DNAJC1: variants seen among roughly 807,000 people sequenced by gnomAD.
DNAJC1 encodes DnaJ heat shock protein family (Hsp40) member C1, also known as dnaJ homolog subfamily C member 1.
DNAJC1 carries 58 observed loss-of-function variants against 76.6 expected under a neutral mutation model. That is an observed-to-expected ratio of 0.76 (90% CI 0.61 to 0.94). DNAJC1 has a LOEUF of 0.94. Ranked by LOEUF, DNAJC1 falls within the 40% of genes least tolerant of loss-of-function variation. The pLI is 0.00. For synonymous variants in DNAJC1, 258 were observed against 267.9 expected (o/e 0.96, Z 0.36); for missense variants, 689 against 677.3 (o/e 1.02, Z -0.19).
chr10:21,901,739 A>T (rs1209524006), intron 7 of DNAJC1, among the ~76,000 whole-genome samples: 2 of 152,216 alleles, frequency 1.3e-5, no homozygotes. Flanking sequence ...ATTAGCAATT[A>T]GGTCATGAAA....
intron 1 of DNAJC1, among the ~76,000 whole-genome samples, chr10:21,989,625 G>C (rs575484588): frequency 1.9e-4 from 29 of 152,298 alleles, no homozygotes; most frequent in African/African-American, 6.3e-4. Flanking sequence ...AAATGCGAAA[G>C]TGAGAAGGAC....
At chr10:21,760,207 C>T (rs958569862) in intron 10 of DNAJC1, among the ~76,000 whole-genome samples, 1 of 152,140 alleles carries the variant, frequency 6.6e-6, no homozygotes, top group Non-Finnish European at 1.5e-5. Context: ...TGCTTGAGCC[C>T]AGGAGTTTGA....
chr10:21,816,339 G>A (rs948970662), intron 8 of DNAJC1, among the ~76,000 whole-genome samples: 6 of 151,926 alleles, frequency 3.9e-5, no homozygotes, highest in African/African-American at 7.2e-5. Flanking sequence ...CAGCCTGGCC[G>A]ACAGAGCAAG....
At chr10:21,908,977 C>T (rs1370372837) in intron 6 of DNAJC1, among the ~76,000 whole-genome samples, 2 of 152,078 alleles carry the variant, frequency 1.3e-5, no homozygotes, top group African/African-American at 4.8e-5. Flanking sequence ...CCTCCGCCTC[C>T]CGGGTTTAAG....
At chr10:21,899,106 C>A (rs1242610395) in intron 7 of DNAJC1, among the ~76,000 whole-genome samples, 1 of 152,184 alleles carries the variant, frequency 6.6e-6, no homozygotes, top group Admixed American at 6.5e-5. Context: ...TGGGAAACCA[C>A]ACTTCTCTCA....
intron 6 of DNAJC1, among the ~76,000 whole-genome samples, chr10:21,917,062 C>CA (rs1309418149): frequency 6.6e-6 from 1 of 151,970 alleles, no homozygotes; most frequent in African/African-American, 2.4e-5. Context: ...CCTAGCATCT[C>CA]AAAACCGAAA....
chr10:21,950,566 T>A (rs569265603), intron 1 of DNAJC1, among the ~76,000 whole-genome samples: 1 of 152,140 alleles, frequency 6.6e-6, no homozygotes, highest in East Asian at 1.9e-4. Flanking sequence ...ATCTCACACT[T>A]TAAGTCAAAA....
At chr10:21,770,115 A>G (rs1354382230) in intron 9 of DNAJC1, among the ~76,000 whole-genome samples, 1 of 152,088 alleles carries the variant, frequency 6.6e-6, no homozygotes, top group Non-Finnish European at 1.5e-5. Context: ...TCCTTCCCCA[A>G]CGAGTTGCTT....
chr10:21,781,044 A>T (rs1023575455), intron 9 of DNAJC1, among the ~76,000 whole-genome samples: 3 of 152,242 alleles, frequency 2.0e-5, no homozygotes, highest in Non-Finnish European at 2.9e-5. Context: ...AGAAGAGCTA[A>T]CTATCCTAAA....
chr10:21,805,953 A>G (rs1185270808), intron 9 of DNAJC1, 27 bp downstream of exon 9: 1 of 1,610,834 alleles, frequency 6.2e-7, no homozygotes, highest in Non-Finnish European at 8.5e-7. Flanking sequence ...TTCTCTCTCT[A>G]TACAATGCAA....
In DNAJC1 at chr10:21,890,179, G is replaced by A. The variant is rs373387917; in HGVS notation, c.821-7740C>T. ...GTAATCTCAGCACTTTGGGAGGCTG[G>A]GGGGGGGTGGATGACCTGAGGTCAG... is the stretch of plus-strand genomic sequence containing the variant. On this transcript the variant is annotated intron_variant, in intron 7 of 11. Transcript: ENST00000376980. 4.9e-3 allele frequency among the ~76,000 whole-genome samples: 48 copies of A among 9,710 alleles called. 1 individual carries two copies. In the East Asian group the frequency reaches 0.29, roughly 58 times the overall value. The allele number at this position is 9,710 out of a possible 152,430, so 6.4% of individuals were successfully genotyped here.
chr10:21,772,117 A>G (rs549270097), intron 9 of DNAJC1, among the ~76,000 whole-genome samples: 1 of 152,160 alleles, frequency 6.6e-6, no homozygotes, highest in East Asian at 1.9e-4. Flanking sequence ...AATTCTTTTT[A>G]TAAGTTGCCG....
intron 1 of DNAJC1, among the ~76,000 whole-genome samples, chr10:21,965,229 C>T (rs749239043): frequency 6.6e-6 from 1 of 152,082 alleles, no homozygotes; most frequent in Non-Finnish European, 1.5e-5. Context: ...AGTTCACTAA[C>T]TCTCTTTTCA....
At chr10:21,929,912 GACA>G (rs1407338844) in intron 1 of DNAJC1, among the ~76,000 whole-genome samples, 7 of 152,136 alleles carry the variant, frequency 4.6e-5, no homozygotes, top group Admixed American at 1.3e-4. Flanking sequence ...GGTAAAATCA[GACA>G]ACATCATTTT....
intron 8 of DNAJC1, among the ~76,000 whole-genome samples, chr10:21,870,409 A>C (rs1376396983): frequency 1.3e-5 from 2 of 152,136 alleles, no homozygotes; most frequent in Non-Finnish European, 2.9e-5. Context: ...CCAAAACTAT[A>C]TAATCGACTT....
rs1350923736 is a variant in DNAJC1 at position 21,875,142 on chromosome 10, A to G, written c.978+7140T>C. On this transcript the variant is annotated intron_variant, in intron 8 of 11. Coordinates refer to ENST00000376980, the MANE Select transcript of DNAJC1 (RefSeq NM_022365.4). ...GTGATCCACCCACCTCAGCTTCCCAAAGTGCTGGGATTACAGGCTTCAGCC... is the reference window on the plus strand; with the variant it reads ...GTGATCCACCCACCTCAGCTTCCCAGAGTGCTGGGATTACAGGCTTCAGCC... Among the ~76,000 whole-genome samples the G allele has an allele frequency of 2.1e-4, 32 of 152,102 alleles. 1 individual carries two copies. The highest frequency in any genetic ancestry group is 2.1e-3 in the Admixed American group (32 of 15,260).
intron 8 of DNAJC1, among the ~76,000 whole-genome samples, chr10:21,849,697 T>C (rs533189448): frequency 3.3e-5 from 5 of 152,098 alleles, no homozygotes; most frequent in Non-Finnish European, 7.4e-5. Flanking sequence ...TTTATAGATA[T>C]TGATACAAAA....
At chr10:21,778,906 G>A (rs985868067) in intron 9 of DNAJC1, among the ~76,000 whole-genome samples, 7 of 152,206 alleles carry the variant, frequency 4.6e-5, no homozygotes, top group South Asian at 2.1e-4. Flanking sequence ...CTAACACTGC[G>A]CTTTTCCAAC....
intron 8 of DNAJC1, among the ~76,000 whole-genome samples, chr10:21,810,496 T>C (rs1020075674): frequency 7.2e-5 from 11 of 152,262 alleles, no homozygotes; most frequent in Non-Finnish European, 1.5e-4. Flanking sequence ...ATCACACCCA[T>C]TGTTCTAAAA....
Sources: gnomAD v4.1 joint callset for allele counts (sites outside exome capture counted in the v4.1 genomes callset) on GRCh38, gnomAD v4.1.1 for gene constraint, MANE v1.5 for transcripts, NCBI Gene and HGNC (gene_info 2026-07-23, HGNC 2026-07-21) for gene names.